PRKAA1: variants seen among roughly 807,000 people sequenced by gnomAD.
PRKAA1 encodes the protein 5'-AMP-activated protein kinase catalytic subunit alpha-1.
A neutral mutation model predicts 56.9 loss-of-function variants in PRKAA1; 23 were observed. The observed-to-expected ratio is 0.40, with a 90% CI of 0.29 to 0.57. The LOEUF is 0.57. Ranked by LOEUF, PRKAA1 falls within the 20% of genes least tolerant of loss-of-function variation. PRKAA1 has a pLI of 0.39. For missense variants in PRKAA1, 413 were observed against 679.7 expected (o/e 0.61, Z 4.36); for synonymous variants, 226 against 227.0 (o/e 1.00, Z 0.04).
At chr5:40,771,887 T>C in intron 3 of PRKAA1, 24 bp from the exon 4 acceptor site, 1 of 1,602,272 alleles carries the variant, frequency 6.2e-7, no homozygotes, top group Non-Finnish European at 8.5e-7. Context: ...GAGAGGCTTT[T>C]TAAAGGTGTG....
chr5:40,785,707 T>C (rs1410090726), intron 1 of PRKAA1, among the ~76,000 whole-genome samples: 1 of 152,152 alleles, frequency 6.6e-6, no homozygotes, highest in Non-Finnish European at 1.5e-5. Flanking sequence ...ATTGTTATCT[T>C]ATTTGGAAAT....
intron 1 of PRKAA1, among the ~76,000 whole-genome samples, chr5:40,785,839 C>CAGAGAGAG (rs10594859): frequency 4.3e-4 from 25 of 58,514 alleles, no homozygotes; most frequent in East Asian, 3.3e-3. Flanking sequence ...CACACACACA[C>CAGAGAGAG]AGAGAGAGAG....
intron 1 of PRKAA1, among the ~76,000 whole-genome samples, chr5:40,793,454 C>G (rs992698953): frequency 1.3e-5 from 2 of 152,164 alleles, no homozygotes; most frequent in Non-Finnish European, 2.9e-5. Context: ...AACTTCCAGC[C>G]TACTCTCCCC....
At chr5:40,765,386 T>C (rs1285272675) in intron 6 of PRKAA1, 148 bp from the exon 7 acceptor site, 33 of 919,448 alleles carry the variant, frequency 3.6e-5, no homozygotes, top group Non-Finnish European at 5.0e-5. Flanking sequence ...TTTCCTCTTC[T>C]AGCTCGCACT....
chr5:40,763,754 C>T (rs999623910), intron 8 of PRKAA1, among the ~76,000 whole-genome samples: 3 of 152,110 alleles, frequency 2.0e-5, no homozygotes, highest in East Asian at 3.8e-4. Context: ...TTAGCAGATA[C>T]GTACTATATG....
At chr5:40,790,907 G>C (rs1744694967) in intron 1 of PRKAA1, among the ~76,000 whole-genome samples, 1 of 152,158 alleles carries the variant, frequency 6.6e-6, no homozygotes, top group African/African-American at 2.4e-5. Context: ...TATCACATTT[G>C]AGCATAAACC....
At chr5:40,765,425 A>G (rs901745628) in intron 6 of PRKAA1, among the ~76,000 whole-genome samples, 187 bp from the exon 7 acceptor site, 24 of 152,198 alleles carry the variant, frequency 1.6e-4, no homozygotes, top group African/African-American at 5.5e-4. Context: ...GAAATGCTCC[A>G]ATTTCCCTCC....
At chr5:40,779,010 G>A (rs571524069) in intron 1 of PRKAA1, among the ~76,000 whole-genome samples, 2 of 151,640 alleles carry the variant, frequency 1.3e-5, no homozygotes, top group South Asian at 4.2e-4. Flanking sequence ...TATTGACCAG[G>A]ATGGTCTCAA....
intron 1 of PRKAA1, among the ~76,000 whole-genome samples, chr5:40,790,986 G>A (rs1293965985): frequency 6.6e-6 from 1 of 152,238 alleles, no homozygotes; most frequent in East Asian, 1.9e-4. Context: ...AGTTGTGGAA[G>A]TAAAGCTATT....
chr5:40,791,653 A>C (rs147855884), intron 1 of PRKAA1, among the ~76,000 whole-genome samples: 1 of 152,356 alleles, frequency 6.6e-6, no homozygotes, highest in East Asian at 1.9e-4. Flanking sequence ...AAATTGAAAG[A>C]ATAAAAACGT....
chr5:40,777,870 C>T (rs1357990470), intron 1 of PRKAA1, among the ~76,000 whole-genome samples: 3 of 152,018 alleles, frequency 2.0e-5, no homozygotes, highest in East Asian at 1.9e-4. Flanking sequence ...ATCAGGAGTT[C>T]GAGACCAGCC....
intron 1 of PRKAA1, among the ~76,000 whole-genome samples, chr5:40,785,837 CACAG>C (rs1370265060): frequency 0.018 from 922 of 52,348 alleles, 4 homozygotes; most frequent in African/African-American, 0.036. Flanking sequence ...CACACACACA[CACAG>C]AGAGAGAGAG....
chr5:40,785,482 C>T (rs1418171489), intron 1 of PRKAA1, among the ~76,000 whole-genome samples: 1 of 151,744 alleles, frequency 6.6e-6, no homozygotes, highest in East Asian at 1.9e-4. Flanking sequence ...GCAGGTGATC[C>T]GCCCCCCCTC....
chr5:40,782,445 C>A (rs1402905842), intron 1 of PRKAA1, among the ~76,000 whole-genome samples: 1 of 151,928 alleles, frequency 6.6e-6, no homozygotes, highest in African/African-American at 2.4e-5. Flanking sequence ...ACCTTCCCGG[C>A]CTGTAATGAT....
chr5:40,771,072 A>G (rs1487947079), intron 4 of PRKAA1, among the ~76,000 whole-genome samples: 1 of 151,942 alleles, frequency 6.6e-6, no homozygotes, highest in Non-Finnish European at 1.5e-5. Context: ...ATTCCATCCC[A>G]CTCACTTTCC....
At chr5:40,781,028 C>T (rs978780208) in intron 1 of PRKAA1, among the ~76,000 whole-genome samples, 1 of 152,112 alleles carries the variant, frequency 6.6e-6, no homozygotes, top group African/African-American at 2.4e-5. Flanking sequence ...AAAAGGCAAT[C>T]GGTTCCACCT....
chr5:40,765,245 G>C lies in PRKAA1; in HGVS notation c.822-7C>G. The C allele has an allele frequency of 6.3e-7, 1 of 1,596,810 alleles. No homozygotes were observed. On this transcript the variant is annotated splice_region_variant and splice_polypyrimidine_tract_variant and intron_variant, in intron 6 of 8. Coordinates refer to ENST00000397128, the MANE Select transcript of PRKAA1 (RefSeq NM_006251.6). ...TTTAAACCATTCATGTTCCCTGAGA[G>C]AAAAATGGCAGGATCAGGAGAAGGA...
rs570874680 is a variant in PRKAA1, at chr5:40,764,955, G to A, written c.1105C>T (p.Arg369Trp). Residue 369 changes from arginine (R) to tryptophan (W), a missense_variant, in exon 7 of 9, where the codon CGG (arginine) becomes TGG (tryptophan). Physicochemically the swap from Arg to Trp is moderately radical, Grantham distance 101. Coordinates refer to ENST00000397128, the MANE Select transcript of PRKAA1 (RefSeq NM_006251.6). Reference protein sequence around the residue: ...DSFLDDHHLTRPHPERVPFLV... With the variant: ...DSFLDDHHLTWPHPERVPFLV... ...AATGGTACTCTTTCAGGATGGGGCCGAGTCAGGTGATGATCATCAAGAAAA... is the reference window on the plus strand; with the variant it reads ...AATGGTACTCTTTCAGGATGGGGCCAAGTCAGGTGATGATCATCAAGAAAA... 2.9e-5 allele frequency: 47 copies of A among 1,614,132 alleles called. No individual in the cohort carries two copies. In the South Asian group the frequency reaches 3.0e-4, roughly 10 times the overall value.
At chr5:40,787,438 C>G (rs948387024) in intron 1 of PRKAA1, among the ~76,000 whole-genome samples, 2 of 151,356 alleles carry the variant, frequency 1.3e-5, no homozygotes, top group African/African-American at 4.9e-5. Flanking sequence ...GCACTCCAGT[C>G]CCGGCAACAA....
Sources: allele counts gnomAD v4.1 joint callset (sites outside exome capture counted in the v4.1 genomes callset), GRCh38; gene constraint gnomAD v4.1.1; transcripts MANE v1.5; gene names NCBI Gene and HGNC (gene_info 2026-07-23, HGNC 2026-07-21).